CNGB1: variants seen among roughly 807,000 people sequenced by gnomAD.
CNGB1 encodes cyclic nucleotide gated channel subunit beta 1.
A neutral mutation model predicts 151.7 loss-of-function variants in CNGB1; 126 were observed. The observed-to-expected ratio is 0.83, with a 90% CI of 0.72 to 0.96. The LOEUF is 0.96. Among genes scored for constraint, CNGB1 ranks in the 40% least tolerant of loss-of-function variants. The pLI is 0.00. For missense variants in CNGB1, 1,698 were observed against 1,627.0 expected, an observed-to-expected ratio of 1.04 and a Z score of -0.75; for synonymous variants, 623 against 635.1, an observed-to-expected ratio of 0.98 and a Z score of 0.29.
chr16:57,902,039 G>GT (rs1222182551), intron 27 of CNGB1, among the ~76,000 whole-genome samples: 2 of 151,602 alleles, frequency 1.3e-5, no homozygotes, highest in South Asian at 2.1e-4. Context: ...CCAGGCACCT[G>GT]TTTTTTTTGT....
intron 27 of CNGB1, among the ~76,000 whole-genome samples, chr16:57,901,826 T>G (rs1000006018): frequency 1.3e-5 from 2 of 152,318 alleles, no homozygotes; most frequent in South Asian, 4.1e-4. Flanking sequence ...CCCCTGTGCA[T>G]TTCCCAAACT....
At chr16:57,969,628 T>A (rs1203404751) in intron 1 of CNGB1, among the ~76,000 whole-genome samples, 1 of 152,190 alleles carries the variant, frequency 6.6e-6, no homozygotes. Flanking sequence ...AAAATGCTTA[T>A]AGTGCTATAT....
chr16:57,963,020 T>G lies in CNGB1; in HGVS notation c.335A>C (p.Lys112Thr), dbSNP rs1206902463. The change falls in exon 5 of 33, where the codon AAG becomes ACG. Residue 112 changes from lysine (K) to threonine (T), a missense_variant. By Grantham distance (78) the Lys-to-Thr change is moderately conservative. Coordinates refer to ENST00000251102, the MANE Select transcript of CNGB1 (RefSeq NM_001297.5). Reference protein sequence around the residue: ...VLTWLMKGVEKVIPQPVHSIT... With the variant: ...VLTWLMKGVETVIPQPVHSIT... Reference sequence around the variant, plus strand: ...GCTGTGAACAGGCTGCGGGATCACCTTCTCTACGCCCTTCATGAGCCAGGT... The same window carrying G: ...GCTGTGAACAGGCTGCGGGATCACCGTCTCTACGCCCTTCATGAGCCAGGT... 1 of 1,613,468 alleles carries G rather than the reference T, an allele frequency of 6.2e-7. No individual in the cohort carries two copies. Among genetic ancestry groups the G allele is most frequent in the Non-Finnish European group, 8.5e-7 (1 of 1,179,922 alleles).
At chr16:57,910,117 G>A (rs759462063) in intron 25 of CNGB1, among the ~76,000 whole-genome samples, 2 of 152,126 alleles carry the variant, frequency 1.3e-5, no homozygotes, top group Non-Finnish European at 2.9e-5. Flanking sequence ...GGGCTTTCCC[G>A]AGTTACCTGA....
intron 12 of CNGB1, among the ~76,000 whole-genome samples, chr16:57,952,764 G>A (rs2149382811): frequency 6.6e-6 from 1 of 152,230 alleles, no homozygotes; most frequent in Admixed American, 6.5e-5. Flanking sequence ...ACCTCCCAAA[G>A]TGCTGGGATG....
intron 24 of CNGB1, among the ~76,000 whole-genome samples, chr16:57,912,612 C>T (rs553323836): frequency 6.9e-5 from 10 of 144,116 alleles, no homozygotes; most frequent in Middle Eastern, 3.8e-3. Flanking sequence ...TCATTTGTGT[C>T]GTGTGTGCAT....
chr16:57,969,431 A>G (rs1962485791), intron 1 of CNGB1, among the ~76,000 whole-genome samples: 1 of 152,204 alleles, frequency 6.6e-6, no homozygotes, highest in Non-Finnish European at 1.5e-5. Flanking sequence ...AGCCTGGGCA[A>G]CATGATGAAA....
intron 20 of CNGB1, 93 bp from the exon 21 acceptor site, chr16:57,917,569 C>T (rs1960906459): frequency 1.7e-6 from 2 of 1,166,074 alleles, no homozygotes; most frequent in South Asian, 1.2e-5. Flanking sequence ...TCTACTCCTT[C>T]AACTACTACA....
intron 32 of CNGB1, among the ~76,000 whole-genome samples, chr16:57,885,467 TAC>T (rs1396211521): frequency 1.3e-5 from 2 of 148,944 alleles, no homozygotes; most frequent in Non-Finnish European, 3.0e-5. Flanking sequence ...CTGTCCACCC[TAC>T]ACTCTATTCT....
Position 57,920,492 on chromosome 16 carries a change from C to G in CNGB1, c.1696G>C (p.Asp566His). Reference sequence around the variant, plus strand: ...AGCTTCACCAGCTCCTGGAGCCGGTCGTTGATGATGGCGCTATTTGTGCTG... The same window carrying G: ...AGCTTCACCAGCTCCTGGAGCCGGTGGTTGATGATGGCGCTATTTGTGCTG... ...TASTNSAIINDRLQELVKLFK... is the reference protein window; with the variant it reads ...TASTNSAIINHRLQELVKLFK... The change falls in exon 19 of 33, where the codon GAC becomes CAC. Residue 566 changes from aspartate (D) to histidine (H), a missense_variant. Transcript: ENST00000251102. The G allele has an allele frequency of 6.2e-7, 1 of 1,614,098 alleles. No individual in the cohort carries two copies. The highest frequency in any genetic ancestry group is 8.5e-7 in the Non-Finnish European group (1 of 1,180,044).
intron 31 of CNGB1, 84 bp downstream of exon 31, chr16:57,897,313 A>AG (rs1392471011): frequency 1.4e-6 from 2 of 1,478,636 alleles, no homozygotes; most frequent in East Asian, 2.3e-5. Flanking sequence ...AAAAAAAAAA[A>AG]AAAAAGATAA....
Position 57,919,150 on chromosome 16 carries a change from G to A in CNGB1, c.1906C>T (p.His636Tyr), listed in dbSNP as rs768422627. 1 of 1,614,190 alleles carries A rather than the reference G, an allele frequency of 6.2e-7. No homozygotes were observed. Among genetic ancestry groups the A allele is most frequent in the East Asian group, 2.2e-5 (1 of 44,878 alleles). The change falls in exon 20 of 33, where the codon CAC becomes TAC. Residue 636 changes from histidine to tyrosine, a missense_variant. Physicochemically the swap from His to Tyr is moderately conservative, Grantham distance 83 (BLOSUM62 2). Transcript: ENST00000251102. ...AACTGGTACTTCTTCCAGGGGCGGT[G>A]TTTGAACTTGCAGCAGAGCATGTCG... ...YCDMLCCKFK[H>Y]RPWKKYQFPQ... is the part of the protein sequence containing the mutation.
intron 19 of CNGB1, among the ~76,000 whole-genome samples, chr16:57,919,655 A>G (rs1281004172): frequency 2.0e-5 from 3 of 152,136 alleles, no homozygotes; most frequent in Non-Finnish European, 4.4e-5. Context: ...GGAATGCTGA[A>G]GGGCCTAACA....
Position 57,958,615 on chromosome 16 carries a change from AG to A in CNGB1, c.762-131del, listed in dbSNP as rs879578526. 6.6e-6 allele frequency: 5 copies of A among 755,984 alleles called. No homozygotes were observed. In the Admixed American group the frequency reaches 1.0e-4, roughly 16 times the overall value. The allele number at this position is 755,984 out of a possible 1,614,324, so 46.8% of individuals were successfully genotyped here. On this transcript the variant is annotated intron_variant, in intron 10 of 32. Coordinates refer to ENST00000251102, the MANE Select transcript of CNGB1 (RefSeq NM_001297.5). ...CAGAGCCTGCCAGGAGCCAGAGCCC[AG>A]GTCTCCAGCCCTGAAGACCATTCTC...
At chr16:57,963,938 C>A (rs1962324245) in intron 4 of CNGB1, 192 bp downstream of exon 4, 1 of 585,792 alleles carries the variant, frequency 1.7e-6, no homozygotes, top group African/African-American at 1.9e-5. Context: ...GAGCTTCAGG[C>A]TTACTTAGGG....
chr16:57,947,123 C>A (rs576183686), intron 14 of CNGB1, among the ~76,000 whole-genome samples: 1 of 152,268 alleles, frequency 6.6e-6, no homozygotes, highest in East Asian at 1.9e-4. Flanking sequence ...GCATGTATGT[C>A]TGTGTTGGTG....
At chr16:57,930,541 GAGGGGAGAGAGAGGGGAAGGAGGAGGGGA>G (rs1961317154) in intron 17 of CNGB1, among the ~76,000 whole-genome samples, 1 of 126,462 alleles carries the variant, frequency 7.9e-6, no homozygotes, top group Non-Finnish European at 1.6e-5. Flanking sequence ...GAAGAGAGGG[GAGGGGAGAGAGAGGGGAAGGAGGAGGGGA>G]AGGGGGAGGG....
At chr16:57,925,657 C>G (rs1197390626) in intron 17 of CNGB1, among the ~76,000 whole-genome samples, 1 of 151,814 alleles carries the variant, frequency 6.6e-6, no homozygotes, top group Non-Finnish European at 1.5e-5. Context: ...AAAATAGGTC[C>G]TGGGACCTTG....
At chr16:57,949,107 T>G (rs959997707) in intron 14 of CNGB1, among the ~76,000 whole-genome samples, 1 of 149,944 alleles carries the variant, frequency 6.7e-6, no homozygotes, top group Non-Finnish European at 1.5e-5. Context: ...GCCCCAGCCC[T>G]CTTGGAGGCT....
Sources: allele counts gnomAD v4.1 joint callset (sites outside exome capture counted in the v4.1 genomes callset), GRCh38; gene constraint gnomAD v4.1.1; transcripts MANE v1.5; gene names NCBI Gene and HGNC (gene_info 2026-07-23, HGNC 2026-07-21).